Variants in ADAMTS12 observed in about 807,000 individuals in gnomAD.
ADAMTS12 encodes the protein A disintegrin and metalloproteinase with thrombospondin motifs 12.
In ADAMTS12, 118 loss-of-function variants were observed where a neutral mutation model predicts 167.8. The observed-to-expected ratio is 0.70, with a 90% confidence interval of 0.61 to 0.82. The LOEUF is 0.82. ADAMTS12 is among the 40% of genes least tolerant of loss of function. The probability of loss-of-function intolerance (pLI) is 0.00; values close to 1 mark genes in which losing one functional copy is unlikely to be tolerated. For synonymous variants in ADAMTS12, 704 were observed against 716.9 expected (o/e 0.98, Z 0.29); for missense variants, 1,916 against 1,998.8 (o/e 0.96, Z 0.79).
chr5:33,793,554 T>C (rs539484106), intron 2 of ADAMTS12, among the ~76,000 whole-genome samples: 3 of 152,320 alleles, frequency 2.0e-5, no homozygotes, highest in Non-Finnish European at 2.9e-5. Context: ...ATTTTTTAAA[T>C]TGAATTTAAG....
At chr5:33,765,781 C>T (rs528042414) in intron 2 of ADAMTS12, among the ~76,000 whole-genome samples, 1 of 152,044 alleles carries the variant, frequency 6.6e-6, no homozygotes, top group South Asian at 2.1e-4. Context: ...AAATTTTTTA[C>T]AACCAAAAAA....
intron 3 of ADAMTS12, among the ~76,000 whole-genome samples, chr5:33,688,921 C>T (rs924778580): frequency 2.0e-5 from 3 of 152,182 alleles, no homozygotes; most frequent in Admixed American, 1.3e-4. Context: ...CCACTAATTA[C>T]TACTGCCTTG....
chr5:33,530,967 A>G lies in ADAMTS12; in HGVS notation c.4607-3601T>C, dbSNP rs376203926. The stretch of plus-strand genomic sequence containing the variant: ...GGCAGATAGAATAATGATGTCAGTT[A>G]AGATGAGGTCACTCTGAACTAGGGT... On this transcript the variant is annotated intron_variant, in intron 23 of 23. Transcript: ENST00000504830. 5.3e-5 allele frequency among the ~76,000 whole-genome samples: 8 copies of G among 152,376 alleles called. No homozygotes were observed. In the South Asian group the frequency reaches 1.4e-3, roughly 28 times the overall value.
chr5:33,527,080 G>A lies in ADAMTS12; in HGVS notation c.*108C>T, dbSNP rs1743853377. Reference sequence around the variant, plus strand: ...TTTTGTTTCATCATGACCCAAAGCTGAATCTGAAATATATGAAGCAAAACC... The same window carrying A: ...TTTTGTTTCATCATGACCCAAAGCTAAATCTGAAATATATGAAGCAAAACC... On this transcript the variant is annotated 3_prime_UTR_variant, in exon 24 of 24. Transcript: ENST00000504830. 1 of 1,397,372 alleles carries A rather than the reference G, an allele frequency of 7.2e-7. No individual in the cohort carries two copies. The highest frequency in any genetic ancestry group is 1.4e-5 in the African/African-American group (1 of 69,074). 86.6% of individuals were successfully genotyped at this position (1,397,372 alleles called of 1,614,324 possible).
chr5:33,881,467 C>T lies in ADAMTS12; in HGVS notation c.141G>A (p.Lys47=). 6.2e-7 allele frequency: 1 copy of T among 1,612,064 alleles called. No homozygotes were observed. The highest frequency in any genetic ancestry group is 1.1e-5 in the South Asian group (1 of 91,032). The change falls in exon 2 of 24, where the codon AAG becomes AAA. Residue 47 remains lysine (K), a synonymous_variant. Transcript: ENST00000504830. ...FPDRRQEHFI[K]GLPEYHVVGP... ...CCACCACGTGGTATTCTGGCAGGCC[C>T]TTGATAAAATGCTCTGAAAGAAAAG...
chr5:33,687,385 T>TG (rs1742373060), intron 3 of ADAMTS12, among the ~76,000 whole-genome samples: 1 of 152,202 alleles, frequency 6.6e-6, no homozygotes, highest in Admixed American at 6.5e-5. Context: ...CTCAAAAAGA[T>TG]TAGGTAATTT....
intron 2 of ADAMTS12, among the ~76,000 whole-genome samples, chr5:33,840,509 T>C (rs1482481166): frequency 1.3e-5 from 2 of 152,200 alleles, no homozygotes; most frequent in Non-Finnish European, 2.9e-5. Context: ...TGTGGCCTGT[T>C]TCCTCTTCTC....
intron 5 of ADAMTS12, among the ~76,000 whole-genome samples, chr5:33,668,978 C>A (rs1313244706): frequency 6.6e-6 from 1 of 152,156 alleles, no homozygotes; most frequent in Non-Finnish European, 1.5e-5. Context: ...CAAGCAGAGT[C>A]AGCCCAAAAT....
chr5:33,633,008 G>A (rs982222188), intron 12 of ADAMTS12, among the ~76,000 whole-genome samples: 2 of 151,754 alleles, frequency 1.3e-5, no homozygotes, highest in African/African-American at 4.8e-5. Context: ...ATGATGCCAT[G>A]ATCTACTCAG....
intron 18 of ADAMTS12, among the ~76,000 whole-genome samples, chr5:33,579,340 G>A (rs373963996): frequency 3.3e-5 from 5 of 152,162 alleles, no homozygotes; most frequent in African/African-American, 1.2e-4. Flanking sequence ...GATAACTGAG[G>A]TCCCAGCTAC....
At chr5:33,760,800 A>AT (rs991523898) in intron 2 of ADAMTS12, among the ~76,000 whole-genome samples, 1 of 151,784 alleles carries the variant, frequency 6.6e-6, no homozygotes. Context: ...TTTTCTGGTC[A>AT]TTTTTTACTA....
chr5:33,528,016 G>A (rs1743905497), intron 23 of ADAMTS12, among the ~76,000 whole-genome samples: 1 of 151,664 alleles, frequency 6.6e-6, no homozygotes, highest in South Asian at 2.1e-4. Context: ...ACCAACCTAA[G>A]GGCCCGTCAA....
intron 2 of ADAMTS12, among the ~76,000 whole-genome samples, chr5:33,874,092 TA>T (rs1209429412): frequency 6.6e-6 from 1 of 152,132 alleles, no homozygotes; most frequent in Non-Finnish European, 1.5e-5. Context: ...TTATAAAACT[TA>T]AAAATGTCTG....
chr5:33,544,651 T>A (rs369703397), intron 22 of ADAMTS12, among the ~76,000 whole-genome samples: 1 of 152,150 alleles, frequency 6.6e-6, no homozygotes, highest in Admixed American at 6.5e-5. Context: ...ATGGTACTAG[T>A]ACCAAAACAG....
At chr5:33,743,334 T>A (rs1027826423) in intron 3 of ADAMTS12, among the ~76,000 whole-genome samples, 1 of 152,214 alleles carries the variant, frequency 6.6e-6, no homozygotes, top group African/African-American at 2.4e-5. Context: ...AGAAATCTAC[T>A]TAGTGGACTG....
chr5:33,766,994 A>C (rs1561260847), intron 2 of ADAMTS12, among the ~76,000 whole-genome samples: 1 of 152,214 alleles, frequency 6.6e-6, no homozygotes. Context: ...ACAAAGATAC[A>C]TATCCACCAC....
intron 2 of ADAMTS12, among the ~76,000 whole-genome samples, chr5:33,768,855 C>T (rs1352445020): frequency 6.6e-6 from 1 of 151,878 alleles, no homozygotes; most frequent in East Asian, 1.9e-4. Context: ...AAATAACAGC[C>T]CCCTCAAAAA....
intron 2 of ADAMTS12, among the ~76,000 whole-genome samples, chr5:33,826,772 G>A (rs1331610628): frequency 6.6e-6 from 1 of 151,930 alleles, no homozygotes; most frequent in Admixed American, 6.6e-5. Flanking sequence ...ACTAAAACAA[G>A]TATCAAATAA....
At chr5:33,632,396 A>AAAACAAACAAACAAACAAACAAAC (rs70964407) in intron 12 of ADAMTS12, among the ~76,000 whole-genome samples, 4,984 of 151,150 alleles carry the variant, frequency 0.033, 93 homozygotes, top group African/African-American at 0.043. Context: ...CCTGAATCCA[A>AAAACAAACAAACAAACAAACAAAC]AAACAAACAA....
Sources: gnomAD v4.1 joint callset for allele counts (sites outside exome capture counted in the v4.1 genomes callset) on GRCh38, gnomAD v4.1.1 for gene constraint, MANE v1.5 for transcripts, NCBI Gene and HGNC (gene_info 2026-07-23, HGNC 2026-07-21) for gene names.